Variants in LOXL2 observed in about 807,000 individuals in gnomAD.
LOXL2 encodes the protein lysyl oxidase homolog 2.
In LOXL2, 70 loss-of-function variants were observed where a neutral mutation model predicts 93.0. That is an observed-to-expected ratio of 0.75 (90% confidence interval 0.62 to 0.92). The LOEUF is 0.92. Ranked by LOEUF, LOXL2 falls within the 40% of genes least tolerant of loss-of-function variation. The pLI, the probability that LOXL2 is intolerant of heterozygous loss-of-function variation, is 0.00. For synonymous variants in LOXL2, 438 were observed against 413.2 expected (o/e 1.06, Z -0.73); for missense variants, 973 against 1,054.9 (o/e 0.92, Z 1.08).
At chr8:23,306,808 G>C (rs765852162) in intron 10 of LOXL2, among the ~76,000 whole-genome samples, 2 of 152,256 alleles carry the variant, frequency 1.3e-5, no homozygotes, top group Non-Finnish European at 2.9e-5. Context: ...CCCATGCTTT[G>C]TCCTGTCAGA....
intron 3 of LOXL2, chr8:23,341,562 G>A: frequency 2.9e-6 from 1 of 340,742 alleles, no homozygotes; most frequent in Non-Finnish European, 5.6e-6. Context: ...ATGCACAGGA[G>A]AGAAAGTGTT....
chr8:23,365,352 TTAGC>T (rs1804381242), intron 2 of LOXL2: 1 of 152,150 alleles, frequency 6.6e-6, no homozygotes. Context: ...AATGAATCAA[TTAGC>T]TAATATTCAC....
chr8:23,332,700 ACT>A, intron 5 of LOXL2, among the ~76,000 whole-genome samples: 1 of 39,476 alleles, frequency 2.5e-5, no homozygotes, highest in African/African-American at 1.3e-4. Flanking sequence ...CCCCCCACAC[ACT>A]CATACACATG....
At chr8:23,335,332 G>A (rs1479846052) in intron 4 of LOXL2, among the ~76,000 whole-genome samples, 1 of 152,116 alleles carries the variant, frequency 6.6e-6, no homozygotes, top group Non-Finnish European at 1.5e-5. Flanking sequence ...CAAAGTGCTG[G>A]GATTATAGGC....
At chr8:23,326,431 C>A (rs986412636) in intron 6 of LOXL2, among the ~76,000 whole-genome samples, 5 of 152,226 alleles carry the variant, frequency 3.3e-5, no homozygotes, top group African/African-American at 1.2e-4. Context: ...CACACATCGG[C>A]CAATCAGTAA....
At chr8:23,322,354 G>C in intron 6 of LOXL2, 73 bp from the exon 7 acceptor site, 2 of 1,406,624 alleles carry the variant, frequency 1.4e-6, no homozygotes, top group African/African-American at 2.8e-5. Context: ...GAAAGCCCTG[G>C]ACAATAAGAA....
At chr8:23,334,772 G>GTTGTAA (rs1554478646) in intron 4 of LOXL2, among the ~76,000 whole-genome samples, 1 of 150,500 alleles carries the variant, frequency 6.6e-6, no homozygotes, top group Non-Finnish European at 1.5e-5. Context: ...AAAATCAGAA[G>GTTGTAA]TAGTATCTGC....
intron 1 of LOXL2, among the ~76,000 whole-genome samples, chr8:23,394,745 C>G (rs1392712437): frequency 1.4e-5 from 2 of 140,484 alleles, no homozygotes; most frequent in African/African-American, 2.6e-5. Flanking sequence ...CAACCCCCCT[C>G]CTAAGTATAT....
At chr8:23,301,707 C>A (rs942232354) in intron 12 of LOXL2, among the ~76,000 whole-genome samples, 1 of 152,138 alleles carries the variant, frequency 6.6e-6, no homozygotes, top group Non-Finnish European at 1.5e-5. Flanking sequence ...GTGTGGGTTG[C>A]CTGAGCATGT....
At chr8:23,320,143 A>T in intron 7 of LOXL2, 91 bp from the exon 8 acceptor site, 1 of 1,383,172 alleles carries the variant, frequency 7.2e-7, no homozygotes, top group Non-Finnish European at 1.0e-6. Context: ...TGGAGTCCTA[A>T]GCCAGGTGGT....
At chr8:23,338,440 G>A (rs1189327956) in intron 4 of LOXL2, among the ~76,000 whole-genome samples, 2 of 152,126 alleles carry the variant, frequency 1.3e-5, no homozygotes, top group African/African-American at 2.4e-5. Flanking sequence ...CAAGGTGGGG[G>A]GCCCTCGGGG....
Position 23,302,175 on chromosome 8 carries a change from G to A in LOXL2, c.1997-12C>T. ...ATTCTTCTGGATGTCTGCGGGCAGGGTAGAGGAGAGCTCATCACCAGGGAA... is the reference window on the plus strand; with the variant it reads ...ATTCTTCTGGATGTCTGCGGGCAGGATAGAGGAGAGCTCATCACCAGGGAA... On this transcript the variant is annotated splice_polypyrimidine_tract_variant and intron_variant, in intron 11 of 13. Transcript: ENST00000389131. 6.2e-7 allele frequency: 1 copy of A among 1,613,836 alleles called. No homozygotes were observed.
chr8:23,340,804 G>T (rs1803869874), intron 4 of LOXL2, among the ~76,000 whole-genome samples, 188 bp downstream of exon 4: 1 of 152,188 alleles, frequency 6.6e-6, no homozygotes, highest in Non-Finnish European at 1.5e-5. Flanking sequence ...TAAGGGTAAG[G>T]ATGCCACGGG....
In LOXL2 at chr8:23,306,746, G is replaced by A. The variant is rs1020493440; in HGVS notation, c.1880+2922C>T. ...CTAGCTCCTCTCCTGGGATTCCCCC[G>A]AGGTGGGAGAGCCAAGCCCCTTGGC... On this transcript the variant is annotated intron_variant, in intron 10 of 13. Coordinates refer to ENST00000389131, the MANE Select transcript of LOXL2 (RefSeq NM_002318.3). Among the ~76,000 whole-genome samples, 16 of 152,360 alleles carry A rather than the reference G, an allele frequency of 1.1e-4. 1 individual carries two copies. The highest frequency in any genetic ancestry group is 3.8e-4 in the African/African-American group (16 of 41,590).
intron 1 of LOXL2, among the ~76,000 whole-genome samples, chr8:23,398,893 C>T (rs1414246108): frequency 6.6e-6 from 1 of 152,102 alleles, no homozygotes; most frequent in Non-Finnish European, 1.5e-5. Flanking sequence ...GTCCCTGACG[C>T]TGGTCACGGT....
At chr8:23,341,908 G>A (rs1420025214) in intron 3 of LOXL2, among the ~76,000 whole-genome samples, 1 of 152,200 alleles carries the variant, frequency 6.6e-6, no homozygotes. Flanking sequence ...CTATTTGGCT[G>A]CAGCAAGGAA....
chr8:23,379,782 T>C (rs1804650389), intron 1 of LOXL2, among the ~76,000 whole-genome samples: 1 of 152,110 alleles, frequency 6.6e-6, no homozygotes, highest in Non-Finnish European at 1.5e-5. Flanking sequence ...GCTAAGACCA[T>C]TGGAAAAGTG....
intron 1 of LOXL2, among the ~76,000 whole-genome samples, chr8:23,383,407 T>C (rs73226406): frequency 0.12 from 18,411 of 152,190 alleles, 1,376 homozygotes; most frequent in Admixed American, 0.18. Flanking sequence ...AATTTGCTTC[T>C]TTCCTTCCTT....
chr8:23,365,184 G>C (rs1303638760), intron 2 of LOXL2: 1 of 152,378 alleles, frequency 6.6e-6, no homozygotes, highest in South Asian at 2.1e-4. Flanking sequence ...AAGTTCAGAG[G>C]AGCTTGAGGG....
Sources: gnomAD v4.1 joint callset for allele counts (sites outside exome capture counted in the v4.1 genomes callset) on GRCh38, gnomAD v4.1.1 for gene constraint, MANE v1.5 for transcripts, NCBI Gene and HGNC (gene_info 2026-07-23, HGNC 2026-07-21) for gene names.